Variants in AKAP19 observed in about 807,000 individuals in gnomAD.
AKAP19 encodes the protein A-kinase anchoring protein 19.
chr2:190,137,291 T>A, the AKAP19 span, among the ~76,000 whole-genome samples: 6 of 152,222 alleles, frequency 3.9e-5, no homozygotes, highest in Non-Finnish European at 2.9e-5. Flanking sequence ...TTGTGTCCTT[T>A]ATATAGTTCA....
the AKAP19 span, among the ~76,000 whole-genome samples, chr2:189,975,689 C>A: frequency 1.3e-5 from 2 of 151,910 alleles, no homozygotes; most frequent in South Asian, 2.1e-4. Context: ...TCTTTTTACT[C>A]TTTTTTTTCT....
the AKAP19 span, among the ~76,000 whole-genome samples, chr2:190,108,075 A>T: frequency 6.6e-6 from 1 of 152,232 alleles, no homozygotes; most frequent in African/African-American, 2.4e-5. Context: ...TACATAAGGA[A>T]ACTCAAAAAG....
the AKAP19 span, among the ~76,000 whole-genome samples, chr2:189,888,848 T>C: frequency 2.0e-5 from 3 of 152,314 alleles, no homozygotes; most frequent in African/African-American, 7.2e-5. Context: ...TGAGCTGAGA[T>C]GATGGGGTTT....
the AKAP19 span, among the ~76,000 whole-genome samples, chr2:190,119,208 A>G: frequency 6.6e-6 from 1 of 152,252 alleles, no homozygotes; most frequent in Non-Finnish European, 1.5e-5. Context: ...TAAGGAGCAG[A>G]AAGTTTAATA....
chr2:190,025,531 A>G, the AKAP19 span, among the ~76,000 whole-genome samples: 1 of 152,182 alleles, frequency 6.6e-6, no homozygotes, highest in Non-Finnish European at 1.5e-5. Flanking sequence ...TCATCATCCT[A>G]AAAAAGCACC....
chr2:189,902,114 C>T, the AKAP19 span, among the ~76,000 whole-genome samples: 1 of 151,696 alleles, frequency 6.6e-6, no homozygotes, highest in Non-Finnish European at 1.5e-5. Context: ...ATTTTAATAT[C>T]TCATAGGGCA....
the AKAP19 span, among the ~76,000 whole-genome samples, chr2:190,006,902 C>T: frequency 6.6e-6 from 1 of 151,870 alleles, no homozygotes; most frequent in Non-Finnish European, 1.5e-5. Flanking sequence ...TGCCTATAGT[C>T]CCAGATACTC....
the AKAP19 span, among the ~76,000 whole-genome samples, chr2:190,156,782 G>A: frequency 1.1e-3 from 175 of 152,228 alleles, no homozygotes; most frequent in African/African-American, 3.8e-3. Context: ...TTGGGGAGAA[G>A]AGTACTCTCA....
At chr2:189,986,362 G>T in the AKAP19 span, among the ~76,000 whole-genome samples, 1 of 56,684 alleles carries the variant, frequency 1.8e-5, no homozygotes, top group Admixed American at 2.4e-4. Flanking sequence ...GTAAGGGATG[G>T]GGGAGCAAAA....
chr2:189,896,097 A>G, the AKAP19 span, among the ~76,000 whole-genome samples: 2 of 152,150 alleles, frequency 1.3e-5, no homozygotes, highest in African/African-American at 2.4e-5. Context: ...GTATATTAAT[A>G]GAAGTTTCTT....
At chr2:190,071,180 G>T in the AKAP19 span, among the ~76,000 whole-genome samples, 2 of 152,130 alleles carry the variant, frequency 1.3e-5, no homozygotes, top group Non-Finnish European at 2.9e-5. Flanking sequence ...GGACATGGTG[G>T]CTCACACCTG....
chr2:189,992,951 A>G, the AKAP19 span, among the ~76,000 whole-genome samples: 1 of 152,198 alleles, frequency 6.6e-6, no homozygotes, highest in East Asian at 1.9e-4. Context: ...ATACAATCAT[A>G]TCATTGGTGA....
the AKAP19 span, among the ~76,000 whole-genome samples, chr2:190,106,908 A>G: frequency 6.6e-6 from 1 of 152,178 alleles, no homozygotes; most frequent in Non-Finnish European, 1.5e-5. Flanking sequence ...ATCACTGAGG[A>G]ACAGCTTAAA....
chr2:190,133,479 A>C, the AKAP19 span, among the ~76,000 whole-genome samples: 1 of 152,196 alleles, frequency 6.6e-6, no homozygotes, highest in Non-Finnish European at 1.5e-5. Flanking sequence ...CTGGGAATGT[A>C]AGTTAGTGTG....
the AKAP19 span, among the ~76,000 whole-genome samples, chr2:189,933,990 A>C: frequency 6.6e-6 from 1 of 152,092 alleles, no homozygotes; most frequent in Non-Finnish European, 1.5e-5. Context: ...TTACTCATCT[A>C]AACATTTGCC....
At chr2:190,165,529 C>A in the AKAP19 span, among the ~76,000 whole-genome samples, 1 of 152,126 alleles carries the variant, frequency 6.6e-6, no homozygotes, top group Admixed American at 6.6e-5. Context: ...TAACCCAAAG[C>A]ATGAGCTAAG....
At chr2:190,177,265 G>A in the AKAP19 span, among the ~76,000 whole-genome samples, 1 of 152,130 alleles carries the variant, frequency 6.6e-6, no homozygotes, top group Non-Finnish European at 1.5e-5. This position sits in a 1 kb window ranked among gnomAD's most constrained non-coding sequence, Gnocchi z 4.6. Flanking sequence ...CAGGTGGGGA[G>A]TTAGTGTCAT....
the AKAP19 span, among the ~76,000 whole-genome samples, chr2:189,936,033 T>C: frequency 6.6e-6 from 1 of 152,144 alleles, no homozygotes; most frequent in Non-Finnish European, 1.5e-5. Flanking sequence ...CAAGAAACTT[T>C]AGGAAATCAT....
chr2:190,097,289 C>T, the AKAP19 span, among the ~76,000 whole-genome samples: 2 of 152,126 alleles, frequency 1.3e-5, no homozygotes, highest in South Asian at 2.1e-4. Flanking sequence ...ATGTTCTCAT[C>T]ACTGAGCTCC....
Sources: gnomAD v4.1 joint callset for allele counts (sites outside exome capture counted in the v4.1 genomes callset) on GRCh38, gnomAD v4.1.1 for gene constraint, Gnocchi (gnomAD v3.1) non-coding constraint, MANE v1.5 for transcripts, NCBI Gene and HGNC (gene_info 2026-07-23, HGNC 2026-07-21) for gene names.